Variants in GGA2 observed in about 807,000 individuals in gnomAD.
GGA2 encodes golgi associated, gamma adaptin ear containing, ARF binding protein 2, also known as ADP-ribosylation factor-binding protein GGA2.
In GGA2, 48 loss-of-function variants were observed where a neutral mutation model predicts 79.5. That is an observed-to-expected ratio of 0.60 (90% CI 0.48 to 0.77). The LOEUF is 0.77. GGA2 is among the 30% of genes least tolerant of loss of function. GGA2 has a pLI of 0.00. For missense variants in GGA2, 770 were observed against 774.0 expected, an observed-to-expected ratio of 0.99 and a Z score of 0.06; for synonymous variants, 317 against 302.0, an observed-to-expected ratio of 1.05 and a Z score of -0.51.
At chr16:23,484,793 A>G (rs1177099208) in intron 8 of GGA2, among the ~76,000 whole-genome samples, 1 of 152,240 alleles carries the variant, frequency 6.6e-6, no homozygotes, top group Non-Finnish European at 1.5e-5. Context: ...CACTTTGGAA[A>G]ACAGCTTGGC....
Position 23,468,881 on chromosome 16 carries a change from C to T in GGA2, c.1731+5G>A. ...CTCCCTGCTACCACAGACACTGGAA[C>T]ATACTTTGTGTGGATTGTCAAGCAG... On this transcript the variant is annotated splice_donor_5th_base_variant and intron_variant, in intron 16 of 16. Transcript: ENST00000309859. 6.4e-7 allele frequency: 1 copy of T among 1,564,688 alleles called. No homozygotes were observed. Among genetic ancestry groups the T allele is most frequent in the Non-Finnish European group, 8.8e-7 (1 of 1,135,068 alleles).
intron 14 of GGA2, among the ~76,000 whole-genome samples, chr16:23,470,646 C>A (rs1409286772): frequency 1.3e-5 from 2 of 151,756 alleles, no homozygotes; most frequent in African/African-American, 4.8e-5. Flanking sequence ...ACCTGTAATC[C>A]CAGCCATTTG....
chr16:23,465,529 A>G lies in GGA2; in HGVS notation c.*2061T>C. 1.5e-6 allele frequency: 1 copy of G among 651,456 alleles called. No individual in the cohort carries two copies. Among genetic ancestry groups the G allele is most frequent in the Non-Finnish European group, 2.8e-6 (1 of 360,558 alleles). 40.4% of individuals were successfully genotyped at this position (651,456 alleles called of 1,614,324 possible). A position where few individuals can be genotyped will look rare whatever the true frequency, so the allele number is the denominator to read the frequency against. On this transcript the variant is annotated 3_prime_UTR_variant, in exon 17 of 17. Coordinates refer to ENST00000309859, the MANE Select transcript of GGA2 (RefSeq NM_015044.4). ...GTTCACCTCCTAACTATAGGGGAGA[A>G]AGCCTGTCTTTATGTATAAGTCTCA... is the stretch of plus-strand genomic sequence containing the variant.
At chr16:23,494,562 G>T (rs1336510532) in intron 2 of GGA2, among the ~76,000 whole-genome samples, 184 bp from the exon 3 acceptor site, 1 of 152,180 alleles carries the variant, frequency 6.6e-6, no homozygotes, top group Non-Finnish European at 1.5e-5. Context: ...CACCCTGGTT[G>T]CACCTACAGC....
upstream of GGA2, among the ~76,000 whole-genome samples, chr16:23,510,928 T>C (rs1246794134): frequency 7.9e-6 from 1 of 126,648 alleles, no homozygotes; most frequent in African/African-American, 3.2e-5. Context: ...TGTGTGTGTG[T>C]GTGTGTGTGT....
intron 2 of GGA2, among the ~76,000 whole-genome samples, chr16:23,517,908 A>T (rs1261628265): frequency 1.3e-5 from 2 of 151,296 alleles, no homozygotes; most frequent in East Asian, 3.9e-4. Context: ...CTATTTATTT[A>T]TTTATTTACT....
upstream of GGA2, among the ~76,000 whole-genome samples, chr16:23,514,317 A>G (rs1316923084): frequency 6.6e-6 from 1 of 152,118 alleles, no homozygotes; most frequent in African/African-American, 2.4e-5. Context: ...CATGTTGGCC[A>G]AGCTGGTCTT....
intron 1 of GGA2, among the ~76,000 whole-genome samples, chr16:23,502,571 A>G (rs1202524965): frequency 6.6e-6 from 1 of 152,238 alleles, no homozygotes; most frequent in African/African-American, 2.4e-5. Context: ...GACACACTGC[A>G]ACTCACATTT....
rs2142106694 is a variant in GGA2, at chr16:23,463,634, C to T, written c.*3956G>A. On this transcript the variant is annotated 3_prime_UTR_variant, in exon 17 of 17. Coordinates refer to ENST00000309859, the MANE Select transcript of GGA2 (RefSeq NM_015044.4). ...TATAATTCCCTGACCCAAAGATTAC[C>T]ACTGTCAGATGTGCACACAAACATC... is the stretch of plus-strand genomic sequence containing the variant. 6.6e-6 allele frequency: 1 copy of T among 152,238 alleles called. No homozygotes were observed. Among genetic ancestry groups the T allele is most frequent in the East Asian group, 1.9e-4 (1 of 5,182 alleles). The allele number at this position is 152,238 out of a possible 1,614,324, so 9.4% of individuals were successfully genotyped here.
At chr16:23,473,330 CTTTTTTT>C (rs34972165) in intron 14 of GGA2, among the ~76,000 whole-genome samples, 6 of 70,692 alleles carry the variant, frequency 8.5e-5, no homozygotes, top group Admixed American at 7.7e-4. Flanking sequence ...CTTTTCTAGT[CTTTTTTT>C]TTTTTTTTTT....
intron 2 of GGA2, 49 bp downstream of exon 2, chr16:23,495,645 A>C: frequency 9.5e-7 from 1 of 1,048,258 alleles, no homozygotes; most frequent in Non-Finnish European, 1.5e-6. Flanking sequence ...GCCTACACTC[A>C]GTGTGGGGTG....
At chr16:23,518,511 C>G (rs1296089646) in intron 2 of GGA2, among the ~76,000 whole-genome samples, 1 of 152,210 alleles carries the variant, frequency 6.6e-6, no homozygotes, top group Non-Finnish European at 1.5e-5. Context: ...CCACACCCAG[C>G]CAACAACTTC....
chr16:23,494,474 G>T, intron 2 of GGA2, 96 bp from the exon 3 acceptor site: 1 of 852,554 alleles, frequency 1.2e-6, no homozygotes, highest in Non-Finnish European at 2.0e-6. Context: ...TCTTCCAGGG[G>T]CTGGTGTCCA....
chr16:23,475,521 T>C (rs1006650418), intron 13 of GGA2, among the ~76,000 whole-genome samples: 27 of 151,504 alleles, frequency 1.8e-4, no homozygotes, highest in African/African-American at 5.8e-4. Context: ...ATCGAACTCA[T>C]ACCTCAGCTT....
chr16:23,499,875 C>T (rs567378068), intron 1 of GGA2, among the ~76,000 whole-genome samples: 28 of 152,276 alleles, frequency 1.8e-4, no homozygotes, highest in South Asian at 2.1e-4. Context: ...GGGGTGGGGC[C>T]GCTGGCAGGG....
At chr16:23,498,368 A>G (rs1458961841) in intron 1 of GGA2, among the ~76,000 whole-genome samples, 1 of 152,004 alleles carries the variant, frequency 6.6e-6, no homozygotes, top group Non-Finnish European at 1.5e-5. Context: ...TGGAGGCTAC[A>G]GTGAGCTATG....
intron 2 of GGA2, among the ~76,000 whole-genome samples, chr16:23,518,636 A>T (rs879356749): frequency 6.6e-6 from 1 of 152,220 alleles, no homozygotes; most frequent in Non-Finnish European, 1.5e-5. Flanking sequence ...TACAAGCAAC[A>T]GACTGGACTG....
intron 4 of GGA2, among the ~76,000 whole-genome samples, chr16:23,492,779 C>G (rs984297299): frequency 1.3e-5 from 2 of 152,212 alleles, no homozygotes; most frequent in South Asian, 4.1e-4. Flanking sequence ...AGAAGTGCAG[C>G]AGCTTGAGGA....
intron 2 of GGA2, 168 bp from the exon 3 acceptor site, chr16:23,494,546 C>T (rs1030257058): frequency 1.2e-4 from 75 of 623,732 alleles, no homozygotes; most frequent in African/African-American, 1.1e-3. Context: ...AGGGCCACCT[C>T]GCACCCACCC....
Sources: allele counts gnomAD v4.1 joint callset (sites outside exome capture counted in the v4.1 genomes callset), GRCh38; gene constraint gnomAD v4.1.1; transcripts MANE v1.5; gene names NCBI Gene and HGNC (gene_info 2026-07-23, HGNC 2026-07-21).